Variants in EPC2 observed in about 807,000 individuals in gnomAD.
The protein encoded by EPC2 is enhancer of polycomb 2, also known as enhancer of polycomb homolog 2.
Under a neutral mutation model 92.1 loss-of-function variants are expected in EPC2, and 14 were observed. The observed-to-expected ratio is 0.15, with a 90% confidence interval of 0.10 to 0.24. The LOEUF (loss-of-function observed/expected upper bound fraction) is 0.24, where lower values mean the gene tolerates loss of function less well. Among genes scored for constraint, EPC2 ranks in the 10% least tolerant of loss-of-function variants. EPC2 has a pLI of 1.00. For synonymous variants in EPC2, 340 were observed against 334.7 expected (o/e 1.02, Z -0.17); for missense variants, 755 against 971.5 (o/e 0.78, Z 2.96).
chr2:148,774,624 T>TATTTTTTATATATATATA lies in EPC2; in HGVS notation c.1720+3237_1720+3238insATTTTTTATATATATATA, dbSNP rs935978031. 7.6e-3 allele frequency among the ~76,000 whole-genome samples: 1,012 copies of TATTTTTTATATATATATA among 132,582 alleles called. 17 individuals carry two copies. Among genetic ancestry groups the TATTTTTTATATATATATA allele is most frequent in the African/African-American group, 0.025 (952 of 37,380 alleles). 87.0% of individuals were successfully genotyped at this position (132,582 alleles called of 152,430 possible). ...CCTGACTCAAAAAAAAAAATATATTTTATATATATATATATATGCATGTAC... is the reference window on the plus strand; with the variant it reads ...CCTGACTCAAAAAAAAAAATATATTTATTTTTTATATATATATATATATATATATATATATGCATGTAC... On this transcript the variant is annotated intron_variant, in intron 10 of 13. Transcript: ENST00000258484.
At chr2:148,782,832 C>A (rs918188161) in intron 11 of EPC2, among the ~76,000 whole-genome samples, 1 of 152,160 alleles carries the variant, frequency 6.6e-6, no homozygotes, top group Non-Finnish European at 1.5e-5. Flanking sequence ...ATAAACCTTG[C>A]GTTTTAGGTC....
chr2:148,777,216 G>GAGT (rs879635800), intron 10 of EPC2, among the ~76,000 whole-genome samples: 410 of 152,086 alleles, frequency 2.7e-3, no homozygotes, highest in Non-Finnish European at 4.4e-3. Flanking sequence ...TTGTAACAAA[G>GAGT]ACTGACCTGG....
At chr2:148,710,674 AT>A (rs1285320377) in intron 2 of EPC2, among the ~76,000 whole-genome samples, 1 of 141,948 alleles carries the variant, frequency 7.0e-6, no homozygotes, top group Non-Finnish European at 1.5e-5. Flanking sequence ...GCCATAAAAA[AT>A]AATGAGTTAT....
rs569834079 is a variant in EPC2 at position 148,690,252 on chromosome 2, G to A, written c.192G>A (p.Val64=). Reference sequence around the variant, plus strand: ...AGCGAGCAATTTCAGCACAGCAAGTGTTTAGAGAAAAAAAAGAGAGTATGG... The same window carrying A: ...AGCGAGCAATTTCAGCACAGCAAGTATTTAGAGAAAAAAAAGAGAGTATGG... ...HLQRAISAQQ[V]FREKKESMVI... is the part of the protein sequence containing the mutation. Residue 64 remains valine (V), a synonymous_variant, in exon 2 of 14, where the codon GTG becomes GTA. Transcript: ENST00000258484. 3.2e-5 allele frequency: 52 copies of A among 1,608,416 alleles called. 1 individual carries two copies. The highest frequency in any genetic ancestry group is 3.0e-4 in the South Asian group (27 of 89,456).
rs201387373 is a variant in EPC2, at chr2:148,718,112, CTTTAT to C, written c.314-25506_314-25502del. ...TTGCTTAGTAAATTGTCTTCAGTCT[CTTTAT>C]TTTGAGTCTTTGTGTGTCTTTGCAT... On this transcript the variant is annotated intron_variant, in intron 2 of 13. Coordinates refer to ENST00000258484, the MANE Select transcript of EPC2 (RefSeq NM_015630.4). 8.3e-3 allele frequency among the ~76,000 whole-genome samples: 1,271 copies of C among 152,256 alleles called. 14 individuals are homozygous for C. The highest frequency in any genetic ancestry group is 0.027 in the African/African-American group (1,131 of 41,554).
At chr2:148,655,863 C>G (rs769065641) in intron 1 of EPC2, among the ~76,000 whole-genome samples, 5 of 152,064 alleles carry the variant, frequency 3.3e-5, no homozygotes, top group Non-Finnish European at 7.4e-5. Flanking sequence ...AGCACATTTA[C>G]TACTAGCTTT....
At chr2:148,729,452 T>C (rs1295029878) in intron 2 of EPC2, among the ~76,000 whole-genome samples, 1 of 152,236 alleles carries the variant, frequency 6.6e-6, no homozygotes, top group East Asian at 1.9e-4. Flanking sequence ...GCATTACCTG[T>C]GTCAGAAGTA....
chr2:148,753,856 A>G (rs546569823), intron 3 of EPC2, 71 bp from the exon 4 acceptor site: 78 of 1,354,502 alleles, frequency 5.8e-5, no homozygotes, highest in African/African-American at 5.0e-4. Context: ...ATTTTTTTCT[A>G]CAGCCATAAG....
chr2:148,750,610 T>C (rs1683067312), intron 3 of EPC2, among the ~76,000 whole-genome samples: 1 of 152,098 alleles, frequency 6.6e-6, no homozygotes, highest in African/African-American at 2.4e-5. Flanking sequence ...CATTTCAGAT[T>C]GGCTTGCCGT....
At chr2:148,777,799 G>A (rs1383847582) in intron 10 of EPC2, among the ~76,000 whole-genome samples, 2 of 152,132 alleles carry the variant, frequency 1.3e-5, no homozygotes, top group African/African-American at 4.8e-5. Context: ...CTAAGAAAAG[G>A]CATATGGATT....
At chr2:148,670,411 A>G (rs753329367) in intron 1 of EPC2, among the ~76,000 whole-genome samples, 43 of 152,024 alleles carry the variant, frequency 2.8e-4, no homozygotes, top group Admixed American at 9.8e-4. Flanking sequence ...AAAGTATTCA[A>G]GTAAGTGTTT....
intron 1 of EPC2, among the ~76,000 whole-genome samples, chr2:148,663,945 C>T (rs1372948967): frequency 2.0e-5 from 3 of 152,148 alleles, no homozygotes. Flanking sequence ...CTCTGCTCAA[C>T]TCCTGCTGTG....
intron 2 of EPC2, among the ~76,000 whole-genome samples, chr2:148,726,040 A>G (rs939096675): frequency 2.0e-5 from 3 of 152,162 alleles, no homozygotes; most frequent in Admixed American, 6.5e-5. Context: ...GATACACCAT[A>G]TATGTGGAAT....
intron 1 of EPC2, among the ~76,000 whole-genome samples, chr2:148,650,326 C>T (rs991468247): frequency 2.0e-5 from 3 of 152,110 alleles, no homozygotes; most frequent in African/African-American, 4.8e-5. Context: ...ATAAAGTCTT[C>T]TTCCAGGAAT....
Position 148,690,433 on chromosome 2 carries a change from CT to C in EPC2, c.313+64del. On this transcript the variant is annotated intron_variant, in intron 2 of 13. Transcript: ENST00000258484. ...TTTAAATTTATCAACCAGTGGAAAT[CT>C]TTTCTTTTGTCTAAAGAAATTCTGA... The C allele has an allele frequency of 2.1e-6, 3 of 1,441,256 alleles. No homozygotes were observed. In the South Asian group the frequency reaches 4.7e-5, roughly 23 times the overall value. The allele number at this position is 1,441,256 out of a possible 1,614,324, so 89.3% of individuals were successfully genotyped here.
At position 148,707,067 on chromosome 2, in the gene EPC2, G is replaced by C. The variant is rs566851163; in HGVS notation, c.313+16694G>C. 1.2e-4 allele frequency among the ~76,000 whole-genome samples: 18 copies of C among 152,244 alleles called. No individual in the cohort carries two copies. The East Asian group carries it at 3.3e-3, about 28-fold the overall frequency. On this transcript the variant is annotated intron_variant, in intron 2 of 13. Coordinates refer to ENST00000258484, the MANE Select transcript of EPC2 (RefSeq NM_015630.4). ...ACACAGACTGGAAATTGGATAAAGA[G>C]TCAAGACCCATCAGTGTGCTGTATT...
intron 3 of EPC2, among the ~76,000 whole-genome samples, chr2:148,744,516 G>A (rs1456010381): frequency 6.6e-6 from 1 of 152,012 alleles, no homozygotes; most frequent in African/African-American, 2.4e-5. Context: ...TAGAAAACAG[G>A]ATACAGAACT....
intron 1 of EPC2, chr2:148,645,415 G>A (rs967216722): frequency 9.1e-6 from 4 of 441,772 alleles, no homozygotes; most frequent in South Asian, 5.4e-5. Flanking sequence ...CTGCCGTAAG[G>A]GGGCCTTGCC....
chr2:148,683,428 C>T (rs1345205385), intron 1 of EPC2, among the ~76,000 whole-genome samples: 1 of 151,962 alleles, frequency 6.6e-6, no homozygotes, highest in African/African-American at 2.4e-5. Flanking sequence ...CCACCACTGC[C>T]GGCTAATTTT....
Sources: gnomAD v4.1 joint callset for allele counts (sites outside exome capture counted in the v4.1 genomes callset) on GRCh38, gnomAD v4.1.1 for gene constraint, MANE v1.5 for transcripts, NCBI Gene and HGNC (gene_info 2026-07-23, HGNC 2026-07-21) for gene names.